Variants in STXBP4 observed in about 807,000 individuals in gnomAD.
STXBP4 encodes syntaxin-binding protein 4.
Under a neutral mutation model 76.1 loss-of-function variants are expected in STXBP4, and 55 were observed. The observed-to-expected ratio is 0.72, with a 90% CI of 0.58 to 0.91. The LOEUF (loss-of-function observed/expected upper bound fraction) is 0.91, where lower values mean the gene tolerates loss of function less well. Ranked by LOEUF, STXBP4 falls within the 40% of genes least tolerant of loss-of-function variation. STXBP4 has a pLI of 0.00. For missense variants in STXBP4, 618 were observed against 636.9 expected (o/e 0.97, Z 0.32); for synonymous variants, 201 against 220.2 (o/e 0.91, Z 0.77).
chr17:55,085,112 A>C (rs1234811706), intron 16 of STXBP4, among the ~76,000 whole-genome samples: 8 of 152,116 alleles, frequency 5.3e-5, no homozygotes, highest in Admixed American at 3.9e-4. Flanking sequence ...ACAAGAACAA[A>C]AAACCAAACA....
chr17:55,017,335 TACATA>T (rs1231862038), intron 8 of STXBP4, among the ~76,000 whole-genome samples: 1 of 152,142 alleles, frequency 6.6e-6, no homozygotes, highest in Non-Finnish European at 1.5e-5. Flanking sequence ...GAACGGATCC[TACATA>T]ACTGCCCATG....
At position 55,160,503 on chromosome 17, in the gene STXBP4, G is replaced by A. The variant is rs1342544198; in HGVS notation, c.*592G>A. ...TACAACATGCCCGTGAAGCTGATCT[G>A]GTGGGTATGTTTATTCTTGGTTTTC... On this transcript the variant is annotated 3_prime_UTR_variant, in exon 18 of 18. Transcript: ENST00000376352. 2 of 152,526 alleles carry A rather than the reference G, an allele frequency of 1.3e-5. No homozygotes were observed. The highest frequency in any genetic ancestry group is 2.9e-5 in the Non-Finnish European group (2 of 68,066). The allele number at this position is 152,526 out of a possible 1,614,324, so 9.4% of individuals were successfully genotyped here. A position where few individuals can be genotyped will look rare whatever the true frequency, so the allele number is the denominator to read the frequency against.
intron 8 of STXBP4, among the ~76,000 whole-genome samples, chr17:55,020,896 A>AAT (rs2078298545): frequency 6.6e-6 from 1 of 152,194 alleles, no homozygotes; most frequent in African/African-American, 2.4e-5. Context: ...TTTTGAAGCT[A>AAT]ATATATGAAA....
At chr17:55,185,242 TCTTCTTCTCCTTCTC>T in the STXBP4 span, among the ~76,000 whole-genome samples, 9 of 50,400 alleles carry the variant, frequency 1.8e-4, no homozygotes, top group Admixed American at 5.2e-4. Flanking sequence ...TTCTTCTTCT[TCTTCTTCTCCTTCTC>T]CTTCTCCTTC....
Position 55,160,577 on chromosome 17 carries a change from G to A in STXBP4, c.*666G>A, listed in dbSNP as rs1363791840. ...AGAGGAAGCTCTCTGTCCCAGCACC[G>A]AGACTCACTCCTAAGTCTTCTGATT... is the stretch of plus-strand genomic sequence containing the variant. On this transcript the variant is annotated 3_prime_UTR_variant, in exon 18 of 18. Transcript: ENST00000376352. 2 of 152,618 alleles carry A rather than the reference G, an allele frequency of 1.3e-5. No individual in the cohort carries two copies. Among genetic ancestry groups the A allele is most frequent in the Non-Finnish European group, 1.5e-5 (1 of 68,136 alleles). The allele number at this position is 152,618 out of a possible 1,614,324, so 9.5% of individuals were successfully genotyped here.
At chr17:54,971,441 C>T (rs934476951) in intron 1 of STXBP4, among the ~76,000 whole-genome samples, 1 of 152,176 alleles carries the variant, frequency 6.6e-6, no homozygotes, top group Admixed American at 6.5e-5. Context: ...TGTGGCCTTA[C>T]ATAGATTGGA....
At chr17:55,151,064 G>A (rs1347802946) in intron 17 of STXBP4, among the ~76,000 whole-genome samples, 1 of 152,210 alleles carries the variant, frequency 6.6e-6, no homozygotes, top group Non-Finnish European at 1.5e-5. Flanking sequence ...CAAGGAATGT[G>A]AGTGGCCTGG....
At chr17:55,103,442 G>C (rs540403993) in intron 16 of STXBP4, among the ~76,000 whole-genome samples, 3 of 152,140 alleles carry the variant, frequency 2.0e-5, no homozygotes, top group African/African-American at 7.2e-5. Context: ...GATGGTTGTA[G>C]TGTATAGCAT....
chr17:55,090,071 G>A (rs980884461), intron 16 of STXBP4, among the ~76,000 whole-genome samples: 3 of 152,076 alleles, frequency 2.0e-5, no homozygotes, highest in African/African-American at 7.2e-5. Context: ...CTGACTGGCA[G>A]GAACCCTGGC....
At chr17:55,044,850 T>C (rs770943805) in intron 11 of STXBP4, 3 of 151,300 alleles carry the variant, frequency 2.0e-5, no homozygotes, top group Non-Finnish European at 2.9e-5. Context: ...ACTTGCCTTC[T>C]TTTTTTTTCT....
At chr17:55,010,719 C>T (rs1422690273) in intron 8 of STXBP4, among the ~76,000 whole-genome samples, 2 of 152,094 alleles carry the variant, frequency 1.3e-5, no homozygotes, top group Non-Finnish European at 1.5e-5. Flanking sequence ...ATTTCTGTAA[C>T]GTTTCAAGAA....
intron 13 of STXBP4, among the ~76,000 whole-genome samples, chr17:55,073,651 A>G (rs1214018159): frequency 6.6e-6 from 1 of 152,138 alleles, no homozygotes; most frequent in Non-Finnish European, 1.5e-5. Context: ...TTGTTGACAC[A>G]GAGTTTCACT....
intron 17 of STXBP4, among the ~76,000 whole-genome samples, chr17:55,153,708 C>T (rs1360124760): frequency 6.6e-6 from 1 of 152,062 alleles, no homozygotes; most frequent in Non-Finnish European, 1.5e-5. Context: ...TTAATAAGAA[C>T]ACTAAAAATT....
the STXBP4 span, among the ~76,000 whole-genome samples, chr17:55,187,218 A>T: frequency 6.6e-6 from 1 of 152,202 alleles, no homozygotes; most frequent in Non-Finnish European, 1.5e-5. Flanking sequence ...CATAGGCAAG[A>T]TGCAAAAGGA....
chr17:54,983,475 G>C (rs2077578903), intron 1 of STXBP4, among the ~76,000 whole-genome samples: 1 of 152,126 alleles, frequency 6.6e-6, no homozygotes, highest in Non-Finnish European at 1.5e-5. Context: ...AGACTGCTCA[G>C]TTTTTCACAT....
chr17:55,196,074 T>A, the STXBP4 span, among the ~76,000 whole-genome samples: 1 of 152,152 alleles, frequency 6.6e-6, no homozygotes, highest in Non-Finnish European at 1.5e-5. Flanking sequence ...GATGAAGGAA[T>A]GGTTTGTATT....
At chr17:55,102,431 C>G (rs1298379660) in intron 16 of STXBP4, among the ~76,000 whole-genome samples, 1 of 152,138 alleles carries the variant, frequency 6.6e-6, no homozygotes, top group Non-Finnish European at 1.5e-5. Context: ...CCAGCTTCAT[C>G]CATGTCTCAG....
At chr17:55,183,060 A>T in the STXBP4 span, among the ~76,000 whole-genome samples, 10 of 152,374 alleles carry the variant, frequency 6.6e-5, no homozygotes, top group African/African-American at 2.4e-4. Context: ...TAATGATTAC[A>T]TCTCATAGAG....
chr17:55,058,761 T>G lies in STXBP4; in HGVS notation c.1011+11607T>G, dbSNP rs558255686. On this transcript the variant is annotated intron_variant, in intron 12 of 17. Coordinates refer to ENST00000376352, the MANE Select transcript of STXBP4 (RefSeq NM_178509.6). ...TATGAAATACGTTTCCCAGTATTTT[T>G]ATCATAACTGAAATTACTATCTCAA... 2.0e-5 allele frequency among the ~76,000 whole-genome samples: 3 copies of G among 152,310 alleles called. No homozygotes were observed. The East Asian group carries it at 5.8e-4, about 29-fold the overall frequency.
Sources: gnomAD v4.1 joint callset for allele counts (sites outside exome capture counted in the v4.1 genomes callset) on GRCh38, gnomAD v4.1.1 for gene constraint, MANE v1.5 for transcripts, NCBI Gene and HGNC (gene_info 2026-07-23, HGNC 2026-07-21) for gene names.